MGAT4D: variants seen among roughly 807,000 people sequenced by gnomAD.
The protein encoded by MGAT4D is alpha-1,3-mannosyl-glycoprotein 4-beta-N-acetylglucosaminyltransferase-like protein MGAT4D.
Under a neutral mutation model 15.9 loss-of-function variants are expected in MGAT4D, and 34 were observed. That is an observed-to-expected ratio of 2.14 (90% CI 1.62 to 2.84). The LOEUF (loss-of-function observed/expected upper bound fraction) is 2.84. Among genes scored for constraint, MGAT4D ranks in the 30% most tolerant of loss-of-function variants. The pLI is 0.00. For missense variants in MGAT4D, 327 were observed against 140.2 expected (o/e 2.33, Z -6.73); for synonymous variants, 112 against 48.2 (o/e 2.33, Z -5.49).
intron 3 of MGAT4D, among the ~76,000 whole-genome samples, chr4:140,478,182 A>C (rs1732464797): frequency 6.6e-6 from 1 of 152,164 alleles, no homozygotes; most frequent in East Asian, 1.9e-4. Flanking sequence ...GGGAATTAGA[A>C]AATTATTCTG....
chr4:140,497,824 G>A (rs868208932), intron 1 of MGAT4D, among the ~76,000 whole-genome samples: 3 of 152,230 alleles, frequency 2.0e-5, no homozygotes, highest in African/African-American at 4.8e-5. Flanking sequence ...GTGCACAGAC[G>A]GGGTCCTTGA....
chr4:140,455,805 G>GT (rs961450135), intron 9 of MGAT4D, among the ~76,000 whole-genome samples: 3 of 152,068 alleles, frequency 2.0e-5, no homozygotes, highest in African/African-American at 7.2e-5. Flanking sequence ...TCCCTAGACT[G>GT]TTTTTTTCTT....
At chr4:140,446,743 G>GTTTTTTTT (rs149442061) in intron 10 of MGAT4D, among the ~76,000 whole-genome samples, 1 of 8,170 alleles carries the variant, frequency 1.2e-4, no homozygotes, top group Non-Finnish European at 2.2e-4. Flanking sequence ...TGCTTCTCTA[G>GTTTTTTTT]TTTTTTTTTT....
intron 1 of MGAT4D, among the ~76,000 whole-genome samples, chr4:140,483,304 T>A (rs1271881914): frequency 6.6e-6 from 1 of 152,078 alleles, no homozygotes; most frequent in Non-Finnish European, 1.5e-5. Flanking sequence ...TACTTGGGAA[T>A]AAATTTAACC....
chr4:140,496,832 T>C (rs1560808453), intron 1 of MGAT4D, among the ~76,000 whole-genome samples: 1 of 146,528 alleles, frequency 6.8e-6, no homozygotes, highest in East Asian at 2.0e-4. Context: ...GTGAAAACTC[T>C]GTCTTAAAAA....
intron 10 of MGAT4D, among the ~76,000 whole-genome samples, chr4:140,445,423 T>C (rs1158692889): frequency 6.6e-6 from 1 of 152,198 alleles, no homozygotes; most frequent in African/African-American, 2.4e-5. Context: ...ATCCTGGATA[T>C]TAGACTTTTA....
intron 1 of MGAT4D, among the ~76,000 whole-genome samples, chr4:140,491,413 T>A (rs924430480): frequency 1.3e-5 from 2 of 151,976 alleles, no homozygotes; most frequent in Non-Finnish European, 2.9e-5. Flanking sequence ...CTGAGGAACA[T>A]TTTTACCCTG....
At chr4:140,469,978 GA>G (rs1242953735) in intron 5 of MGAT4D, among the ~76,000 whole-genome samples, 3 of 152,258 alleles carry the variant, frequency 2.0e-5, no homozygotes, top group African/African-American at 7.2e-5. Flanking sequence ...CTGCCTGCGG[GA>G]AGCAGTAAGT....
chr4:140,457,577 C>T (rs943058737), intron 8 of MGAT4D: 6 of 152,088 alleles, frequency 3.9e-5, no homozygotes, highest in Non-Finnish European at 5.9e-5. Flanking sequence ...TTGGCAAGCT[C>T]ATATTTTTAG....
At chr4:140,452,205 C>T (rs55644528) in intron 9 of MGAT4D, among the ~76,000 whole-genome samples, 5,270 of 151,730 alleles carry the variant, frequency 0.035, 151 homozygotes, top group South Asian at 0.11. Flanking sequence ...ACAATAAAAA[C>T]CCCACAAACA....
rs192532602 is a variant in MGAT4D at position 140,454,096 on chromosome 4, G to A, written c.1008+2493C>T. Among the ~76,000 whole-genome samples, 377 of 151,950 alleles carry A rather than the reference G, an allele frequency of 2.5e-3. 5 individuals carry two copies. The highest frequency in any genetic ancestry group is 2.8e-3 in the Non-Finnish European group (190 of 67,942). The stretch of plus-strand genomic sequence containing the variant: ...ATGGCATTTGCTTTTCAATTCACGT[G>A]CCTTTGTTTTTCCCTTTATTGCACT... On this transcript the variant is annotated intron_variant, in intron 9 of 10. Coordinates refer to ENST00000511113, the MANE Select transcript of MGAT4D (RefSeq NM_001277353.2).
chr4:140,478,679 T>C (rs538643094), intron 3 of MGAT4D, among the ~76,000 whole-genome samples: 1 of 151,310 alleles, frequency 6.6e-6, no homozygotes, highest in African/African-American at 2.4e-5. Context: ...CAGAATGCAA[T>C]AGATAAACGA....
intron 5 of MGAT4D, among the ~76,000 whole-genome samples, chr4:140,466,652 G>C (rs1338553514): frequency 6.6e-6 from 1 of 152,086 alleles, no homozygotes; most frequent in African/African-American, 2.4e-5. Flanking sequence ...AGTTGACAGA[G>C]AGTAATGTTT....
At chr4:140,448,099 T>C (rs1730248471) in intron 10 of MGAT4D, among the ~76,000 whole-genome samples, 1 of 152,230 alleles carries the variant, frequency 6.6e-6, no homozygotes, top group South Asian at 2.1e-4. Context: ...GGGTTCCCTT[T>C]ACAGGTTACC....
In MGAT4D at chr4:140,478,891, G is replaced by A. The variant is rs144392261; in HGVS notation, c.391+599C>T. The stretch of plus-strand genomic sequence containing the variant: ...AGCAGACATAGACAACAAGTAAATG[G>A]ATAAGCATAACTATGTTCCAACAAA... On this transcript the variant is annotated intron_variant, in intron 3 of 10. Coordinates refer to ENST00000511113, the MANE Select transcript of MGAT4D (RefSeq NM_001277353.2). Among the ~76,000 whole-genome samples, 249 of 152,146 alleles carry A rather than the reference G, an allele frequency of 1.6e-3. 2 individuals carry two copies. The highest frequency in any genetic ancestry group is 5.7e-3 in the African/African-American group (237 of 41,494).
At chr4:140,465,808 C>T (rs770765310) in intron 5 of MGAT4D, among the ~76,000 whole-genome samples, 3 of 152,132 alleles carry the variant, frequency 2.0e-5, no homozygotes, top group Non-Finnish European at 4.4e-5. Context: ...TTGCTTTGTA[C>T]AATTCTGAAT....
In MGAT4D at chr4:140,456,195, T is replaced by C. The variant is rs190488219; in HGVS notation, c.1008+394A>G. Reference sequence around the variant, plus strand: ...GATTTGTGTTTGTATGGTATATATTTTTTTCATCCACAAGTTTTAACCTAT... The same window carrying C: ...GATTTGTGTTTGTATGGTATATATTCTTTTCATCCACAAGTTTTAACCTAT... On this transcript the variant is annotated intron_variant, in intron 9 of 10. Transcript: ENST00000511113. Among the ~76,000 whole-genome samples, 243 of 152,346 alleles carry C rather than the reference T, an allele frequency of 1.6e-3. 1 individual carries two copies. The highest frequency in any genetic ancestry group is 2.2e-4 in the Non-Finnish European group (15 of 68,032).
chr4:140,454,903 A>G (rs1432953145), intron 9 of MGAT4D, among the ~76,000 whole-genome samples: 1 of 133,996 alleles, frequency 7.5e-6, no homozygotes. Context: ...CTTATGGAAA[A>G]TCCTTTTAGT....
At chr4:140,488,814 T>C (rs1432464649) in intron 1 of MGAT4D, among the ~76,000 whole-genome samples, 1 of 151,882 alleles carries the variant, frequency 6.6e-6, no homozygotes, top group African/African-American at 2.4e-5. Context: ...CTCATGATAG[T>C]GAGTTCTCTT....
Sources: gnomAD v4.1 joint callset for allele counts (sites outside exome capture counted in the v4.1 genomes callset) on GRCh38, gnomAD v4.1.1 for gene constraint, MANE v1.5 for transcripts, NCBI Gene and HGNC (gene_info 2026-07-23, HGNC 2026-07-21) for gene names.